The following NT5C3A variants were observed in gnomAD, a reference collection of about 807,000 sequenced individuals.
NT5C3A encodes the protein cytosolic 5'-nucleotidase 3A.
In NT5C3A, 23 loss-of-function variants were observed where a neutral mutation model predicts 40.0. The observed-to-expected ratio is 0.58, with a 90% CI of 0.41 to 0.81. NT5C3A has a LOEUF of 0.81. Among genes scored for constraint, NT5C3A ranks in the 40% least tolerant of loss-of-function variants. The pLI, the probability that NT5C3A is intolerant of heterozygous loss-of-function variation, is 0.00. For synonymous variants in NT5C3A, 130 were observed against 141.4 expected, an observed-to-expected ratio of 0.92 and a Z score of 0.57; for missense variants, 328 against 403.0, an observed-to-expected ratio of 0.81 and a Z score of 1.59.
chr7:33,050,623 T>C (rs1162433915), intron 1 of NT5C3A, among the ~76,000 whole-genome samples: 1 of 152,204 alleles, frequency 6.6e-6, no homozygotes, highest in Admixed American at 6.5e-5. Context: ...ACTGGCTCTC[T>C]ACTTCCACCT....
At chr7:33,058,003 T>C (rs919724350) in intron 1 of NT5C3A, among the ~76,000 whole-genome samples, 1 of 152,260 alleles carries the variant, frequency 6.6e-6, no homozygotes, top group Non-Finnish European at 1.5e-5. Context: ...TTAGAATAAC[T>C]GAATAAGATT....
At chr7:33,016,982 A>G (rs1221234248) in intron 7 of NT5C3A, among the ~76,000 whole-genome samples, 1 of 152,052 alleles carries the variant, frequency 6.6e-6, no homozygotes, top group Non-Finnish European at 1.5e-5. Context: ...CAGGAGTTCG[A>G]GACCAACCTG....
chr7:33,057,098 C>G lies in NT5C3A; in HGVS notation c.138+5470G>C, dbSNP rs6943638. 2.8e-3 allele frequency among the ~76,000 whole-genome samples: 421 copies of G among 152,238 alleles called. 2 individuals carry two copies. Among genetic ancestry groups the G allele is most frequent in the African/African-American group, 9.9e-3 (411 of 41,556 alleles). On this transcript the variant is annotated intron_variant, in intron 1 of 8. Transcript: ENST00000610140. ...AAAGTGCTGGGATTACAGGTGTGAG[C>G]CACCGCACCCGGCCCTTTTTTGTTT...
chr7:33,036,837 C>T (rs1364150548), intron 1 of NT5C3A, among the ~76,000 whole-genome samples: 2 of 151,332 alleles, frequency 1.3e-5, no homozygotes, highest in East Asian at 3.9e-4. Flanking sequence ...TTTTGAGATG[C>T]AGTCTTGCTC....
At chr7:33,040,400 A>G (rs1206346886) in intron 1 of NT5C3A, among the ~76,000 whole-genome samples, 1 of 152,200 alleles carries the variant, frequency 6.6e-6, no homozygotes, top group Non-Finnish European at 1.5e-5. Flanking sequence ...TGATAATCCC[A>G]TTCTATAAAA....
intron 1 of NT5C3A, chr7:33,045,873 C>G (rs957734351): frequency 1.3e-5 from 2 of 152,248 alleles, no homozygotes; most frequent in Admixed American, 6.5e-5. Flanking sequence ...CACTGATCAG[C>G]TTAGGAGTAT....
chr7:33,029,640 C>T, intron 1 of NT5C3A: 1 of 1,289,710 alleles, frequency 7.8e-7, no homozygotes, highest in Non-Finnish European at 1.0e-6. Context: ...TCAGGCAAAT[C>T]ACAGCTTCAA....
chr7:33,022,248 T>C (rs1785666075), intron 3 of NT5C3A, 149 bp from the exon 4 acceptor site: 1 of 618,526 alleles, frequency 1.6e-6, no homozygotes. Context: ...TCAACTAGCA[T>C]GGTTATTATA....
chr7:33,025,422 G>C lies in NT5C3A; in HGVS notation c.238-1314C>G, dbSNP rs764037257. Among the ~76,000 whole-genome samples the C allele has an allele frequency of 3.9e-5, 6 of 152,004 alleles. No homozygotes were observed. In the South Asian group the frequency reaches 6.2e-4, roughly 16 times the overall value. ...GCCAGCTCTTGAAACTTAGGAGACT[G>C]GGTTAAATATTATTTTTCAGAAATG... is the stretch of plus-strand genomic sequence containing the variant. On this transcript the variant is annotated intron_variant, in intron 2 of 8. Coordinates refer to ENST00000610140, the MANE Select transcript of NT5C3A (RefSeq NM_001002010.5).
At chr7:33,020,314 ACT>A (rs138233817) in intron 5 of NT5C3A, among the ~76,000 whole-genome samples, 2,879 of 151,988 alleles carry the variant, frequency 0.019, 82 homozygotes, top group African/African-American at 0.067. Context: ...AAAAAGCCTA[ACT>A]CTTCATCTGA....
intron 1 of NT5C3A, among the ~76,000 whole-genome samples, chr7:33,032,499 C>G (rs1423343420): frequency 6.6e-6 from 1 of 151,666 alleles, no homozygotes; most frequent in African/African-American, 2.4e-5. Flanking sequence ...CTCTGTCACC[C>G]AGGCTGGAGG....
At chr7:33,042,079 G>A (rs1321251084) in intron 1 of NT5C3A, among the ~76,000 whole-genome samples, 5 of 152,198 alleles carry the variant, frequency 3.3e-5, no homozygotes, top group African/African-American at 1.2e-4. Flanking sequence ...GCTCATGCCT[G>A]TAATCCCTGC....
rs1301185554 is a variant in NT5C3A at position 33,026,353 on chromosome 7, G to GGAAAAA, written c.237+463_237+464insTTTTTC. On this transcript the variant is annotated intron_variant, in intron 2 of 8. Coordinates refer to ENST00000610140, the MANE Select transcript of NT5C3A (RefSeq NM_001002010.5). ...AACAGAGCGAGACTCCATCTCAAAAGAAAAAAAAAAAAAAAAAAAAGAAGC... is the reference window on the plus strand; with the variant it reads ...AACAGAGCGAGACTCCATCTCAAAAGGAAAAAAAAAAAAAAAAAAAAAAAAAGAAGC... Among the ~76,000 whole-genome samples the GGAAAAA allele has an allele frequency of 2.5e-3, 234 of 94,202 alleles. 2 individuals are homozygous for GGAAAAA. Among genetic ancestry groups the GGAAAAA allele is most frequent in the African/African-American group, 9.2e-3 (221 of 24,146 alleles). 61.8% of individuals were successfully genotyped at this position (94,202 alleles called of 152,430 possible).
intron 1 of NT5C3A, among the ~76,000 whole-genome samples, chr7:33,061,653 T>C (rs1787783299): frequency 6.6e-6 from 1 of 152,230 alleles, no homozygotes; most frequent in Non-Finnish European, 1.5e-5. Flanking sequence ...TATTACACCC[T>C]AAAATGATAT....
chr7:33,028,731 C>T (rs938462380), intron 1 of NT5C3A, among the ~76,000 whole-genome samples: 1 of 152,116 alleles, frequency 6.6e-6, no homozygotes, highest in Non-Finnish European at 1.5e-5. Flanking sequence ...GATGGACTGT[C>T]TTCCAAAGAC....
rs771597118 is a variant in NT5C3A at position 33,062,728 on chromosome 7, C to T, written c.-23G>A. On this transcript the variant is annotated 5_prime_UTR_variant, in exon 1 of 9. Coordinates refer to ENST00000610140, the MANE Select transcript of NT5C3A (RefSeq NM_001002010.5). Reference sequence around the variant, plus strand: ...CATGGACGGGGCCCTCATGCGCGTCCAAGCAGGAAAAAAACAGGCAGCTCG... The same window carrying T: ...CATGGACGGGGCCCTCATGCGCGTCTAAGCAGGAAAAAAACAGGCAGCTCG... The T allele has an allele frequency of 3.2e-6, 5 of 1,552,846 alleles. No individual in the cohort carries two copies. Among genetic ancestry groups the T allele is most frequent in the Non-Finnish European group, 3.5e-6 (4 of 1,148,368 alleles).
At chr7:33,049,133 A>G (rs1562602904) in intron 1 of NT5C3A, among the ~76,000 whole-genome samples, 1 of 152,194 alleles carries the variant, frequency 6.6e-6, no homozygotes, top group Non-Finnish European at 1.5e-5. Context: ...CCAAAATATA[A>G]TTACTTTAAA....
intron 1 of NT5C3A, among the ~76,000 whole-genome samples, chr7:33,037,390 A>G (rs574731547): frequency 1.3e-5 from 2 of 152,286 alleles, no homozygotes; most frequent in African/African-American, 4.8e-5. Context: ...CTTTACTTTT[A>G]CTTTATTTCA....
chr7:33,058,337 AT>A (rs1256589623), intron 1 of NT5C3A, among the ~76,000 whole-genome samples: 2 of 138,714 alleles, frequency 1.4e-5, no homozygotes, highest in African/African-American at 2.6e-5. Flanking sequence ...CACTTTTATT[AT>A]TTTTTTATTT....
Sources: gnomAD v4.1 joint callset for allele counts (sites outside exome capture counted in the v4.1 genomes callset) on GRCh38, gnomAD v4.1.1 for gene constraint, MANE v1.5 for transcripts, NCBI Gene and HGNC (gene_info 2026-07-23, HGNC 2026-07-21) for gene names.